The following PKHD1 variants were observed in gnomAD, a reference collection of about 807,000 sequenced individuals.
PKHD1 encodes the protein PKHD1 ciliary IPT domain containing fibrocystin/polyductin.
Under a neutral mutation model 412.0 loss-of-function variants are expected in PKHD1, and 291 were observed. The observed-to-expected ratio is 0.71, with a 90% confidence interval of 0.64 to 0.78. The LOEUF (loss-of-function observed/expected upper bound fraction) is 0.78. Ranked by LOEUF, PKHD1 falls within the 30% of genes least tolerant of loss-of-function variation. The probability of loss-of-function intolerance (pLI) is 0.00; values close to 1 mark genes in which losing one functional copy is unlikely to be tolerated. For missense variants in PKHD1, 4,825 were observed against 4,950.7 expected, an observed-to-expected ratio of 0.97 and a Z score of 0.76; for synonymous variants, 1,777 against 1,821.5, an observed-to-expected ratio of 0.98 and a Z score of 0.62.
rs1306276671 is a variant in PKHD1 at position 51,619,116 on chromosome 6, A to C, written c.12190T>G (p.Ser4064Ala). ...CGATEAFCLH[S>A]VHPETIQEQL Reference sequence around the variant, plus strand: ...TCCTGAATAGTTTCCGGGTGTACTGAATGAAGGCAGAATGCCTCAGTGGCC... The same window carrying C: ...TCCTGAATAGTTTCCGGGTGTACTGCATGAAGGCAGAATGCCTCAGTGGCC... Residue 4064 changes from serine (S) to alanine (A), a missense_variant, in exon 67 of 67, where the codon TCA becomes GCA. Transcript: ENST00000371117. 1 of 1,614,106 alleles carries C rather than the reference A, an allele frequency of 6.2e-7. No homozygotes were observed. The highest frequency in any genetic ancestry group is 1.3e-5 in the African/African-American group (1 of 74,946).
At chr6:51,644,939 AAGTGCT>A (rs1342312890) in intron 63 of PKHD1, among the ~76,000 whole-genome samples, 1 of 152,124 alleles carries the variant, frequency 6.6e-6, no homozygotes, top group Non-Finnish European at 1.5e-5. Flanking sequence ...TGGCCTCCCA[AAGTGCT>A]GGCATTACAG....
At chr6:51,871,995 C>A (rs1776039425) in intron 46 of PKHD1, among the ~76,000 whole-genome samples, 3 of 43,060 alleles carry the variant, frequency 7.0e-5, no homozygotes, top group Admixed American at 4.5e-4. Flanking sequence ...AAATAGAAGC[C>A]TAAAATATTA....
chr6:51,664,628 A>G (rs1773419595), intron 60 of PKHD1, among the ~76,000 whole-genome samples: 2 of 152,164 alleles, frequency 1.3e-5, no homozygotes, highest in Non-Finnish European at 2.9e-5. Context: ...TCCTCTCTCT[A>G]GTTGCCATAT....
chr6:52,083,239 T>C lies in PKHD1; in HGVS notation c.69A>G (p.Leu23=), dbSNP rs773989044. The part of the protein sequence containing the change: ...VLLLAVRHLS[L]HIEPEEGSLA... ...GGCTACCTTCTTCAGGTTCAATATG[T>C]AAACTCAGGTGACGTACTGTAAGTA... The change falls in exon 3 of 67, where the codon TTA becomes TTG. Residue 23 remains leucine, a synonymous_variant. Transcript: ENST00000371117. 8.1e-6 allele frequency: 13 copies of C among 1,608,292 alleles called. No homozygotes were observed. Among genetic ancestry groups the C allele is most frequent in the Non-Finnish European group, 9.4e-6 (11 of 1,174,648 alleles).
intron 63 of PKHD1, among the ~76,000 whole-genome samples, chr6:51,646,920 C>G (rs1581818917): frequency 6.6e-6 from 1 of 152,132 alleles, no homozygotes; most frequent in South Asian, 2.1e-4. Context: ...ACATGCGAGT[C>G]AGACCTTGGA....
chr6:52,050,432 T>A (rs1806632601), intron 21 of PKHD1, 137 bp from the exon 22 acceptor site: 2 of 887,370 alleles, frequency 2.3e-6, no homozygotes, highest in Admixed American at 1.9e-5. Context: ...TCTGCTGCCA[T>A]AAAGAACACA....
chr6:51,892,856 T>C (rs889816285), intron 43 of PKHD1, among the ~76,000 whole-genome samples: 1 of 152,242 alleles, frequency 6.6e-6, no homozygotes, highest in African/African-American at 2.4e-5. Flanking sequence ...CTTCTTGGCC[T>C]CAAGAAGAAT....
intron 4 of PKHD1, 35 bp downstream of exon 4, chr6:52,082,357 T>A (rs1383123828): frequency 1.9e-6 from 3 of 1,609,018 alleles, no homozygotes; most frequent in Non-Finnish European, 2.6e-6. Context: ...AAATCCCTCA[T>A]CCTGTCTGGT....
At chr6:51,988,953 A>C (rs1373649583) in intron 35 of PKHD1, among the ~76,000 whole-genome samples, 1 of 152,246 alleles carries the variant, frequency 6.6e-6, no homozygotes, top group Non-Finnish European at 1.5e-5. Flanking sequence ...ATAGAAAATC[A>C]ACAACATAAG....
intron 48 of PKHD1, among the ~76,000 whole-genome samples, chr6:51,861,330 T>C (rs1774154631): frequency 6.6e-6 from 1 of 152,228 alleles, no homozygotes; most frequent in Admixed American, 6.5e-5. Flanking sequence ...GGTTTTTGTT[T>C]ACCATTAGCT....
At chr6:51,931,312 C>T (rs895243563) in intron 37 of PKHD1, among the ~76,000 whole-genome samples, 1 of 152,264 alleles carries the variant, frequency 6.6e-6, no homozygotes, top group Non-Finnish European at 1.5e-5. Flanking sequence ...AATGCTGGGT[C>T]ATTAGGGACT....
Position 52,025,424 on chromosome 6 carries a change from T to C in PKHD1, c.4386A>G (p.Thr1462=), listed in dbSNP as rs1802008518. 6.2e-7 allele frequency: 1 copy of C among 1,607,886 alleles called. No homozygotes were observed. The highest frequency in any genetic ancestry group is 1.7e-5 in the Admixed American group (1 of 59,650). Residue 1462 remains threonine, a synonymous_variant, in exon 32 of 67, where the codon ACA becomes ACG. Coordinates refer to ENST00000371117, the MANE Select transcript of PKHD1 (RefSeq NM_138694.4). The part of the protein sequence containing the change: ...LPGASFSLNV[T]VLVNGLTSEC... ...CGCTGGTTAGCCCATTGACCAGGACTGTGACGTTCAGGGAGAAGGAAGCTC... is the reference window on the plus strand; with the variant it reads ...CGCTGGTTAGCCCATTGACCAGGACCGTGACGTTCAGGGAGAAGGAAGCTC...
chr6:51,724,667 C>T (rs1275252775), intron 60 of PKHD1, among the ~76,000 whole-genome samples: 6 of 152,076 alleles, frequency 3.9e-5, no homozygotes. Flanking sequence ...ATGGCCATGT[C>T]CTAAACATCA....
intron 60 of PKHD1, among the ~76,000 whole-genome samples, chr6:51,731,631 A>C (rs760340787): frequency 6.6e-6 from 1 of 152,192 alleles, no homozygotes; most frequent in African/African-American, 2.4e-5. Flanking sequence ...CTAGGAACCC[A>C]GGCTACATCT....
intron 60 of PKHD1, among the ~76,000 whole-genome samples, chr6:51,722,816 T>A (rs555696610): frequency 6.6e-6 from 1 of 152,174 alleles, no homozygotes; most frequent in Non-Finnish European, 1.5e-5. Context: ...AGTTCCAAGG[T>A]TATGTGAAGA....
intron 60 of PKHD1, among the ~76,000 whole-genome samples, chr6:51,704,114 C>T (rs922900205): frequency 6.6e-6 from 1 of 152,020 alleles, no homozygotes; most frequent in African/African-American, 2.4e-5. Context: ...TCAACCAACA[C>T]CTGTAGAAAG....
At chr6:51,928,431 C>T (rs559700468) in intron 37 of PKHD1, among the ~76,000 whole-genome samples, 40 of 152,262 alleles carry the variant, frequency 2.6e-4, no homozygotes, top group Admixed American at 1.6e-3. Flanking sequence ...AAAATTGTGT[C>T]GGTTGCATTT....
chr6:51,799,120 G>T (rs548824411), intron 52 of PKHD1, among the ~76,000 whole-genome samples: 19 of 151,676 alleles, frequency 1.3e-4, no homozygotes, highest in African/African-American at 4.4e-4. Flanking sequence ...GGACCTAGAA[G>T]AATAATATTT....
At chr6:52,083,931 G>C (rs1176759576) in intron 2 of PKHD1, among the ~76,000 whole-genome samples, 1 of 151,916 alleles carries the variant, frequency 6.6e-6, no homozygotes, top group Non-Finnish European at 1.5e-5. Context: ...GCTTAGAGAG[G>C]GGGTGAAGCA....
Sources: allele counts gnomAD v4.1 joint callset (sites outside exome capture counted in the v4.1 genomes callset), GRCh38; gene constraint gnomAD v4.1.1; transcripts MANE v1.5; gene names NCBI Gene and HGNC (gene_info 2026-07-23, HGNC 2026-07-21).